Variants in LAMA1 observed in about 807,000 individuals in gnomAD.
LAMA1 encodes laminin subunit alpha-1.
A neutral mutation model predicts 348.7 loss-of-function variants in LAMA1; 219 were observed. That is an observed-to-expected ratio of 0.63 (90% confidence interval 0.56 to 0.70). LAMA1 has a LOEUF of 0.70. Among genes scored for constraint, LAMA1 ranks in the 30% least tolerant of loss-of-function variants. The pLI is 0.00. For synonymous variants in LAMA1, 1,487 were observed against 1,491.0 expected (o/e 1.00, Z 0.06); for missense variants, 3,744 against 3,888.0 (o/e 0.96, Z 0.99).
intron 33 of LAMA1, 105 bp downstream of exon 33, chr18:6,997,637 C>CTCTCA: frequency 8.0e-7 from 1 of 1,256,672 alleles, no homozygotes; most frequent in South Asian, 1.2e-5. Context: ...GGAAGTTGGG[C>CTCTCA]TCTCACAATG....
At chr18:7,086,950 G>C (rs1052906522) in intron 1 of LAMA1, among the ~76,000 whole-genome samples, 1 of 151,964 alleles carries the variant, frequency 6.6e-6, no homozygotes, top group Non-Finnish European at 1.5e-5. Context: ...AAAATGAAGT[G>C]AGAAAAACTT....
At position 7,024,417 on chromosome 18, in the gene LAMA1, A is replaced by C; in HGVS notation, c.2452T>G (p.Trp818Gly). 1 of 1,614,184 alleles carries C rather than the reference A, an allele frequency of 6.2e-7. No individual in the cohort carries two copies. The part of the protein sequence containing the change: ...LNDGDEVVCD[W>G]CAPGYSGAWC... ...GCTCCTGAGTAGCCCGGGGCACACC[A>C]GTCACAGACCACTTCATCTCCATCA... The change falls in exon 18 of 63, where the codon TGG becomes GGG. Residue 818 changes from tryptophan (W) to glycine (G), a missense_variant. Trp to Gly is a radical substitution (Grantham distance 184, BLOSUM62 -2). This residue lies in a region of LAMA1 where 1,529 missense variants were observed against 1,689.4 expected (regional missense o/e 0.91). Transcript: ENST00000389658.
Position 7,037,715 on chromosome 18 carries a change from T to A in LAMA1, c.1600A>T (p.Ile534Phe). The A allele has an allele frequency of 6.2e-7, 1 of 1,614,180 alleles. No homozygotes were observed. The highest frequency in any genetic ancestry group is 1.1e-5 in the South Asian group (1 of 91,084). Residue 534 changes from isoleucine (I) to phenylalanine (F), a missense_variant, in exon 12 of 63, where the codon ATC becomes TTC. Transcript: ENST00000389658. ...SMSGWLVTDL[I>F]SPRKIPSQQD... is the part of the protein sequence containing the mutation. ...TGAGACGGGATCTTCCTGGGACTGA[T>A]CAAGTCGGTGACCAGCCACCCGGAC...
In LAMA1 at chr18:7,117,724, G is replaced by T. The variant is rs1447724629; in HGVS notation, c.-4C>A. 11 of 1,595,660 alleles carry T rather than the reference G, an allele frequency of 6.9e-6. No individual in the cohort carries two copies. The highest frequency in any genetic ancestry group is 1.3e-5 in the African/African-American group (1 of 74,742). ...CCAGGAGCACGCCCCCGCGCATCTC[G>T]CCTCCGCCGCCACTCGGTGGGTCTG... On this transcript the variant is annotated 5_prime_UTR_variant, in exon 1 of 63. Transcript: ENST00000389658.
intron 11 of LAMA1, among the ~76,000 whole-genome samples, chr18:7,038,363 C>G (rs7234485): frequency 0.25 from 37,874 of 151,974 alleles, 5,661 homozygotes; most frequent in African/African-American, 0.41. Context: ...AACAACTTGG[C>G]CTGCATTCCT....
intron 1 of LAMA1, among the ~76,000 whole-genome samples, chr18:7,083,966 G>A (rs531365001): frequency 4.0e-5 from 6 of 151,492 alleles, no homozygotes; most frequent in South Asian, 2.1e-4. Flanking sequence ...CCAGCTACTC[G>A]GGAGGCTGAG....
At chr18:7,018,336 C>CAAAAAAAAAAAA (rs764975447) in intron 19 of LAMA1, among the ~76,000 whole-genome samples, 1 of 44,206 alleles carries the variant, frequency 2.3e-5, no homozygotes, top group African/African-American at 1.0e-4. Context: ...AACTCCATCT[C>CAAAAAAAAAAAA]AAAAAAAAAA....
intron 1 of LAMA1, among the ~76,000 whole-genome samples, chr18:7,086,017 T>C (rs548113326): frequency 9.3e-4 from 141 of 152,346 alleles, no homozygotes; most frequent in African/African-American, 3.3e-3. Flanking sequence ...GGTGGCTGGA[T>C]TCCTATTCAG....
chr18:7,001,323 T>C (rs72634400), intron 30 of LAMA1, among the ~76,000 whole-genome samples: 1 of 53,640 alleles, frequency 1.9e-5, no homozygotes, highest in African/African-American at 1.2e-4. Flanking sequence ...GTTTTCCCCC[T>C]ATTCCTCATG....
At chr18:7,116,976 C>A (rs995900583) in intron 1 of LAMA1, among the ~76,000 whole-genome samples, 2 of 152,150 alleles carry the variant, frequency 1.3e-5, no homozygotes, top group Non-Finnish European at 2.9e-5. Flanking sequence ...CACGGTCAAT[C>A]CCGCGCAGTG....
In LAMA1 at chr18:6,975,996, G is replaced by C. The variant is rs117225191; in HGVS notation, c.6430C>G (p.Leu2144Val). The C allele has an allele frequency of 0.019, 30,905 of 1,613,546 alleles. 358 individuals carry two copies. The highest frequency in any genetic ancestry group is 0.029 in the Middle Eastern group (177 of 6,060). Residue 2144 changes from leucine to valine, a missense_variant, in exon 45 of 63, where the codon CTA becomes GTA. By Grantham distance (32) the Leu-to-Val change is conservative. Around this residue, in one of 3 missense-constraint regions of LAMA1, gnomAD observed 1,983 missense variants for 1,934.3 expected, o/e 1.03. Coordinates refer to ENST00000389658, the MANE Select transcript of LAMA1 (RefSeq NM_005559.4). The part of the protein sequence containing the change: ...ISSTNYNTLT[L>V]NVKTQEPDNL... ...TCGGGTTCCTGTGTCTTAACATTTA[G>C]TGTTAAGGTATTGTAGTTGGTAGAG... is the stretch of plus-strand genomic sequence containing the variant.
At chr18:7,107,830 T>TAC (rs2058319371) in intron 1 of LAMA1, among the ~76,000 whole-genome samples, 2 of 150,998 alleles carry the variant, frequency 1.3e-5, no homozygotes, top group African/African-American at 4.9e-5. Context: ...CTGGCTACCA[T>TAC]GGTGAAACCC....
chr18:7,111,614 T>C lies in LAMA1; in HGVS notation c.61+6046A>G, dbSNP rs566927094. Reference sequence around the variant, plus strand: ...CGTGTTCCAACAGAACCAAAGTTCATGACCTTAACTAAATTACTTCTATGA... The same window carrying C: ...CGTGTTCCAACAGAACCAAAGTTCACGACCTTAACTAAATTACTTCTATGA... On this transcript the variant is annotated intron_variant, in intron 1 of 62. Coordinates refer to ENST00000389658, the MANE Select transcript of LAMA1 (RefSeq NM_005559.4). Among the ~76,000 whole-genome samples the C allele has an allele frequency of 3.9e-5, 6 of 152,342 alleles. No homozygotes were observed. The South Asian group carries it at 1.2e-3, about 32-fold the overall frequency.
intron 55 of LAMA1, among the ~76,000 whole-genome samples, chr18:6,958,035 C>T (rs2057588562): frequency 6.6e-6 from 1 of 152,072 alleles, no homozygotes; most frequent in African/African-American, 2.4e-5. Flanking sequence ...CTGCCTTGGA[C>T]CCCCAAAGGC....
Position 6,964,790 on chromosome 18 carries a change from A to G in LAMA1, c.7209T>C (p.Val2403=). Residue 2403 remains valine, a synonymous_variant, in exon 51 of 63, where the codon GTT becomes GTC. Coordinates refer to ENST00000389658, the MANE Select transcript of LAMA1 (RefSeq NM_005559.4). ...TATTACTGGTGTTATAGGCATCGATAACTGCTAGCACTCCTAAAAGGAGAG... is the reference window on the plus strand; with the variant it reads ...TATTACTGGTGTTATAGGCATCGATGACTGCTAGCACTCCTAAAAGGAGAG... ...QRNRKQGVLA[V]IDAYNTSNKE... 1 of 1,614,154 alleles carries G rather than the reference A, an allele frequency of 6.2e-7. No individual in the cohort carries two copies. Among genetic ancestry groups the G allele is most frequent in the Non-Finnish European group, 8.5e-7 (1 of 1,180,022 alleles).
chr18:7,045,805 C>T (rs999387119), intron 6 of LAMA1, among the ~76,000 whole-genome samples: 3 of 152,162 alleles, frequency 2.0e-5, no homozygotes, highest in African/African-American at 4.8e-5. Context: ...GTGATCCACC[C>T]GCCTCTGCCT....
chr18:7,010,263 A>C lies in LAMA1; in HGVS notation c.3810T>G (p.Ile1270Met), dbSNP rs763587965. Residue 1270 changes from isoleucine (I) to methionine (M), a missense_variant, in exon 26 of 63, where the codon ATT becomes ATG. Physicochemically the swap from Ile to Met is conservative, Grantham distance 10. Transcript: ENST00000389658. ...TCTCTGGGGCTGGTGCATCCATGTA[A>C]ATGACTTGCTTTCTGATCCGACCAC... ...IKGGRIRKQV[I>M]YMDAPAPENG... The C allele has an allele frequency of 6.2e-7, 1 of 1,613,976 alleles. No homozygotes were observed. The highest frequency in any genetic ancestry group is 8.5e-7 in the Non-Finnish European group (1 of 1,180,032).
intron 1 of LAMA1, among the ~76,000 whole-genome samples, chr18:7,098,905 C>G (rs1464886315): frequency 4.6e-5 from 7 of 150,846 alleles, no homozygotes; most frequent in East Asian, 3.9e-4. Flanking sequence ...CGCCTCTGCC[C>G]GGCCGCCCCT....
rs768424754 is a variant in LAMA1, at chr18:6,965,891, T to C, written c.7050+256A>G. 2.7e-4 allele frequency: 134 copies of C among 492,210 alleles called. 3 individuals are homozygous for C. Among genetic ancestry groups the C allele is most frequent in the South Asian group, 1.5e-3 (62 of 40,462 alleles). The allele number at this position is 492,210 out of a possible 1,614,324, so 30.5% of individuals were successfully genotyped here. A position where few individuals can be genotyped will look rare whatever the true frequency, so the allele number is the denominator to read the frequency against. On this transcript the variant is annotated intron_variant, in intron 49 of 62. Transcript: ENST00000389658. ...TTTAATAACAAATGTTGAATTGATA[T>C]CTATAAAGACTAGAAGGCTAGTTTC...
Sources: allele counts gnomAD v4.1 joint callset (sites outside exome capture counted in the v4.1 genomes callset), GRCh38; gene constraint gnomAD v4.1.1; regional missense constraint gnomAD v4.1.1; transcripts MANE v1.5; gene names NCBI Gene and HGNC (gene_info 2026-07-23, HGNC 2026-07-21).